PTCD3: variants seen among roughly 807,000 people sequenced by gnomAD.
PTCD3 encodes small ribosomal subunit protein mS39.
In PTCD3, 89 loss-of-function variants were observed where a neutral mutation model predicts 101.9. That is an observed-to-expected ratio of 0.87 (90% CI 0.74 to 1.04). The LOEUF (loss-of-function observed/expected upper bound fraction) is 1.04, where lower values mean the gene tolerates loss of function less well. PTCD3 is among the 50% of genes least tolerant of loss of function. The pLI, the probability that PTCD3 is intolerant of heterozygous loss-of-function variation, is 0.00. For missense variants in PTCD3, 870 were observed against 828.2 expected (o/e 1.05, Z -0.62); for synonymous variants, 296 against 278.5 (o/e 1.06, Z -0.63).
rs1378441011 is a variant in PTCD3 at position 86,139,800 on chromosome 2, C to G, written c.*2241C>G. ...TGGTTGACAGAGTGACCCTTGTCTCCAAGAAAAAAAAAAAGCAAATGGGAT... is the reference window on the plus strand; with the variant it reads ...TGGTTGACAGAGTGACCCTTGTCTCGAAGAAAAAAAAAAAGCAAATGGGAT... On this transcript the variant is annotated 3_prime_UTR_variant, in exon 24 of 24. Coordinates refer to ENST00000254630, the MANE Select transcript of PTCD3 (RefSeq NM_017952.6). 6.7e-6 allele frequency: 1 copy of G among 149,190 alleles called. No homozygotes were observed. The highest frequency in any genetic ancestry group is 6.6e-5 in the Admixed American group (1 of 15,040). The allele number at this position is 149,190 out of a possible 1,614,324, so 9.2% of individuals were successfully genotyped here.
At chr2:86,136,417 A>G (rs1674585354) in intron 21 of PTCD3, 104 bp from the exon 22 acceptor site, 1 of 1,148,728 alleles carries the variant, frequency 8.7e-7, no homozygotes, top group Non-Finnish European at 1.3e-6. Context: ...CAGTATAGTT[A>G]AGAAAAGGGC....
intron 5 of PTCD3, 95 bp from the exon 6 acceptor site, chr2:86,116,957 GTTT>G (rs370928001): frequency 4.1e-5 from 25 of 609,010 alleles, no homozygotes; most frequent in Non-Finnish European, 7.4e-5. Context: ...TGTTGCATTT[GTTT>G]TTTTTTGTGA....
At chr2:86,128,312 G>A (rs898294542) in intron 14 of PTCD3, among the ~76,000 whole-genome samples, 1 of 130,208 alleles carries the variant, frequency 7.7e-6, no homozygotes, top group African/African-American at 2.9e-5. Flanking sequence ...AATTATTCTT[G>A]AGGGTAGCAA....
In PTCD3 at chr2:86,137,120, T is replaced by C; in HGVS notation, c.1959T>C (p.Phe653=). Residue 653 remains phenylalanine, a synonymous_variant, in exon 23 of 24, where the codon TTT becomes TTC. Coordinates refer to ENST00000254630, the MANE Select transcript of PTCD3 (RefSeq NM_017952.6). ...TCACCCAGAGAGTAATGAGTGATTTTGCAATCAACCAGGAACAAAAGTAAG... is the reference window on the plus strand; with the variant it reads ...TCACCCAGAGAGTAATGAGTGATTTCGCAATCAACCAGGAACAAAAGTAAG... ...EGLTQRVMSD[F]AINQEQKEAL... The C allele has an allele frequency of 6.3e-7, 1 of 1,590,904 alleles. No homozygotes were observed. The highest frequency in any genetic ancestry group is 8.5e-7 in the Non-Finnish European group (1 of 1,169,792).
chr2:86,123,601 T>A, intron 8 of PTCD3, 100 bp from the exon 9 acceptor site: 1 of 856,170 alleles, frequency 1.2e-6, no homozygotes, highest in East Asian at 2.7e-5. Flanking sequence ...TTTCCTTTAT[T>A]TTTCTGAGTT....
Position 86,108,403 on chromosome 2 carries a change from G to A in PTCD3, c.157+1G>A. On this transcript the variant is annotated splice_donor_variant, in intron 2 of 23. Transcript: ENST00000254630. LOFTEE classifies it high-confidence loss of function. ...AAGGTTGAAGGAACTGATGTAACAG[G>A]TATATTTTAAAATATATTGAATTCT... 1.9e-6 allele frequency: 3 copies of A among 1,604,772 alleles called. No homozygotes were observed. Among genetic ancestry groups the A allele is most frequent in the Non-Finnish European group, 2.5e-6 (3 of 1,176,962 alleles).
intron 14 of PTCD3, 84 bp downstream of exon 14, chr2:86,128,075 C>T: frequency 9.1e-7 from 1 of 1,099,342 alleles, no homozygotes. Context: ...TTGTAGTTAT[C>T]TTCTCTGCAT....
At chr2:86,127,371 T>A (rs1201091941) in intron 13 of PTCD3, 66 bp downstream of exon 13, 27 of 1,494,580 alleles carry the variant, frequency 1.8e-5, no homozygotes, top group Non-Finnish European at 2.3e-5. Flanking sequence ...CAGGGCTACA[T>A]AAGCAAAGAG....
In PTCD3 at chr2:86,134,937, C is replaced by T. The variant is rs142509754; in HGVS notation, c.1728C>T (p.Leu576=). 5.0e-6 allele frequency: 8 copies of T among 1,614,044 alleles called. No individual in the cohort carries two copies. The African/African-American group carries it at 1.1e-4, about 22-fold the overall frequency. ...QTAQDWPATS[L]NCIAILFLRA... ...CTCAGGATTGGCCAGCCACCTCTCTCAACTGTATAGCTATCCTCTTTTTAA... is the reference window on the plus strand; with the variant it reads ...CTCAGGATTGGCCAGCCACCTCTCTTAACTGTATAGCTATCCTCTTTTTAA... The change falls in exon 21 of 24, where the codon CTC becomes CTT. Residue 576 remains leucine (L), a synonymous_variant. Transcript: ENST00000254630.
chr2:86,114,340 T>C (rs1296165979), intron 4 of PTCD3, among the ~76,000 whole-genome samples: 1 of 151,746 alleles, frequency 6.6e-6, no homozygotes, highest in Non-Finnish European at 1.5e-5. Flanking sequence ...CAGGCTGGAG[T>C]GCAGTGGCGC....
intron 7 of PTCD3, 73 bp from the exon 8 acceptor site, chr2:86,121,406 C>A: frequency 1.1e-6 from 1 of 927,228 alleles, no homozygotes; most frequent in Non-Finnish European, 1.7e-6. Context: ...AAAAAAATGA[C>A]ACATTTTAAC....
intron 9 of PTCD3, 115 bp downstream of exon 9, chr2:86,123,877 G>T: frequency 2.8e-6 from 2 of 717,784 alleles, no homozygotes; most frequent in Non-Finnish European, 4.2e-6. Context: ...GATTTTTATT[G>T]TGCAATATAA....
At chr2:86,117,438 C>T (rs564495552) in intron 6 of PTCD3, among the ~76,000 whole-genome samples, 2 of 151,964 alleles carry the variant, frequency 1.3e-5, no homozygotes, top group South Asian at 4.2e-4. Context: ...CCTCTCTATA[C>T]ACATCTTTCT....
intron 3 of PTCD3, 117 bp downstream of exon 3, chr2:86,108,653 G>A: frequency 9.7e-7 from 1 of 1,027,878 alleles, no homozygotes; most frequent in Non-Finnish European, 1.4e-6. Flanking sequence ...TTCTTGAAGA[G>A]AGTAGCTGAG....
chr2:86,135,204 A>G (rs904722524), intron 21 of PTCD3: 1 of 436,144 alleles, frequency 2.3e-6, no homozygotes, highest in Admixed American at 3.8e-5. Context: ...GCTGAGAATT[A>G]TCTTTCTACT....
chr2:86,141,608 T>C lies in PTCD3; in HGVS notation c.*4049T>C, dbSNP rs1393675516. ...TAGTTTGTTACATTATTTTGAAATA[T>C]TAAACATGAAAATGTTAAATCAGGA... On this transcript the variant is annotated 3_prime_UTR_variant, in exon 24 of 24. Coordinates refer to ENST00000254630, the MANE Select transcript of PTCD3 (RefSeq NM_017952.6). 1.3e-5 allele frequency: 2 copies of C among 152,216 alleles called. No homozygotes were observed. Among genetic ancestry groups the C allele is most frequent in the South Asian group, 2.1e-4 (1 of 4,836 alleles). 9.4% of individuals were successfully genotyped at this position (152,216 alleles called of 1,614,324 possible).
chr2:86,108,394 A>T lies in PTCD3; in HGVS notation c.149A>T (p.Asp50Val), dbSNP rs1419683267. Residue 50 changes from aspartate (D) to valine (V), a missense_variant, in exon 2 of 24, where the codon GAT becomes GTT. By Grantham distance (152) the Asp-to-Val change is radical. Coordinates refer to ENST00000254630, the MANE Select transcript of PTCD3 (RefSeq NM_017952.6). ...SATLSKVEGT[D>V]VTGIEEVVIP... ...ACCCTCTCAAAGGTTGAAGGAACTGATGTAACAGGTATATTTTAAAATATA... is the reference window on the plus strand; with the variant it reads ...ACCCTCTCAAAGGTTGAAGGAACTGTTGTAACAGGTATATTTTAAAATATA... The T allele has an allele frequency of 6.2e-7, 1 of 1,607,154 alleles. No individual in the cohort carries two copies. The highest frequency in any genetic ancestry group is 1.7e-5 in the Admixed American group (1 of 58,568).
chr2:86,112,002 C>T (rs1674094320), intron 4 of PTCD3: 1 of 151,862 alleles, frequency 6.6e-6, no homozygotes, highest in Admixed American at 6.6e-5. Context: ...CCTTGGCCTC[C>T]CAAAGTGCTG....
intron 20 of PTCD3, 32 bp from the exon 21 acceptor site, chr2:86,134,803 CAGTT>C (rs1263133913): frequency 1.9e-6 from 3 of 1,610,276 alleles, no homozygotes; most frequent in East Asian, 2.2e-5. Context: ...CTCATAAAAT[CAGTT>C]AGGCAGTTCT....
Sources: gnomAD v4.1 joint callset for allele counts (sites outside exome capture counted in the v4.1 genomes callset) on GRCh38, gnomAD v4.1.1 for gene constraint, MANE v1.5 for transcripts, NCBI Gene and HGNC (gene_info 2026-07-23, HGNC 2026-07-21) for gene names.